CFAP44: variants seen among roughly 807,000 people sequenced by gnomAD.
CFAP44 encodes the protein cilia and flagella associated protein 44, also known as cilia- and flagella-associated protein 44.
Under a neutral mutation model 216.2 loss-of-function variants are expected in CFAP44, and 134 were observed. The observed-to-expected ratio is 0.62, with a 90% CI of 0.54 to 0.72. CFAP44 has a LOEUF of 0.72. Ranked by LOEUF, CFAP44 falls within the 30% of genes least tolerant of loss-of-function variation. The pLI is 0.00. For missense variants in CFAP44, 2,035 were observed against 2,182.1 expected (o/e 0.93, Z 1.34); for synonymous variants, 700 against 727.6 (o/e 0.96, Z 0.61).
intron 1 of CFAP44, among the ~76,000 whole-genome samples, chr3:113,439,594 T>C (rs116237698): frequency 1.8e-4 from 27 of 152,348 alleles, no homozygotes; most frequent in Admixed American, 4.6e-4. Flanking sequence ...TCCATTGCAA[T>C]GCCTTACTCC....
At chr3:113,304,191 G>A in intron 31 of CFAP44, 74 bp from the exon 32 acceptor site, 4 of 1,444,802 alleles carry the variant, frequency 2.8e-6, no homozygotes, top group Non-Finnish European at 3.7e-6. Flanking sequence ...AGCATAAGAG[G>A]TGCACTTCCT....
intron 30 of CFAP44, among the ~76,000 whole-genome samples, chr3:113,305,789 T>C (rs992696131): frequency 6.6e-5 from 10 of 152,212 alleles, no homozygotes; most frequent in African/African-American, 1.9e-4. Context: ...AAATCATCTA[T>C]TGGGGTATAA....
At chr3:113,380,366 G>C (rs1233734287) in intron 16 of CFAP44, among the ~76,000 whole-genome samples, 1 of 151,962 alleles carries the variant, frequency 6.6e-6, no homozygotes, top group East Asian at 1.9e-4. Flanking sequence ...TCACAACTCT[G>C]CATTCTCTTG....
At chr3:113,297,667 C>T (rs1005259065) in intron 32 of CFAP44, among the ~76,000 whole-genome samples, 1 of 152,068 alleles carries the variant, frequency 6.6e-6, no homozygotes, top group Non-Finnish European at 1.5e-5. Flanking sequence ...TTCTTAGCAA[C>T]TAACTAACAT....
rs866348279 is a variant in CFAP44, at chr3:113,344,715, G to A, written c.3066-3C>T. The A allele has an allele frequency of 6.7e-7, 1 of 1,487,312 alleles. No homozygotes were observed. 92.1% of individuals were successfully genotyped at this position (1,487,312 alleles called of 1,614,324 possible). A position where few individuals can be genotyped will look rare whatever the true frequency, so the allele number is the denominator to read the frequency against. On this transcript the variant is annotated splice_region_variant and splice_polypyrimidine_tract_variant and intron_variant, in intron 22 of 34. Coordinates refer to ENST00000393845, the MANE Select transcript of CFAP44 (RefSeq NM_001164496.2). ...CACTTTCCAGTGGATCTCGAAATCT[G>A]AAAAAATAAAACAAGTATTTGCAGT...
At chr3:113,435,564 TA>T (rs1194110734) in intron 1 of CFAP44, among the ~76,000 whole-genome samples, 3 of 150,676 alleles carry the variant, frequency 2.0e-5, no homozygotes, top group South Asian at 2.1e-4. Flanking sequence ...AAACTGTCTC[TA>T]AAAAAAAATT....
intron 6 of CFAP44, among the ~76,000 whole-genome samples, chr3:113,415,457 G>A (rs1333744217): frequency 6.6e-6 from 1 of 151,928 alleles, no homozygotes; most frequent in African/African-American, 2.4e-5. Context: ...GTGATGTTAG[G>A]GTGTCAATCT....
intron 13 of CFAP44, among the ~76,000 whole-genome samples, chr3:113,398,106 C>T (rs1038455700): frequency 1.3e-5 from 2 of 152,090 alleles, no homozygotes; most frequent in African/African-American, 4.8e-5. Flanking sequence ...TGTTGTTTAT[C>T]CAATAAAAAT....
rs898357906 is a variant in CFAP44 at position 113,326,468 on chromosome 3, T to C, written c.4493A>G (p.Lys1498Arg). ...VLKKKIKRVK[K>R]KEVEGDADED... ...ACCAGCATCTCCTTCAACTTCTTTTTTCTTTACCCGTTTAATCTTCTTCTT... is the reference window on the plus strand; with the variant it reads ...ACCAGCATCTCCTTCAACTTCTTTTCTCTTTACCCGTTTAATCTTCTTCTT... The change falls in exon 28 of 35, where the codon AAA (lysine) becomes AGA (arginine). Residue 1498 changes from lysine (K) to arginine (R), a missense_variant. Coordinates refer to ENST00000393845, the MANE Select transcript of CFAP44 (RefSeq NM_001164496.2). The C allele has an allele frequency of 2.7e-6, 4 of 1,505,798 alleles. No individual in the cohort carries two copies. The African/African-American group carries it at 5.6e-5, about 21-fold the overall frequency. 93.3% of individuals were successfully genotyped at this position (1,505,798 alleles called of 1,614,324 possible). A position where few individuals can be genotyped will look rare whatever the true frequency, so the allele number is the denominator to read the frequency against.
chr3:113,432,608 A>G (rs530338899), intron 2 of CFAP44, among the ~76,000 whole-genome samples: 43 of 152,314 alleles, frequency 2.8e-4, no homozygotes, highest in African/African-American at 1.0e-3. Flanking sequence ...GGGAAGATGA[A>G]GAATGTTAAA....
Position 113,426,235 on chromosome 3 carries a change from T to C in CFAP44, c.296A>G (p.Glu99Gly). Reference protein sequence around the residue: ...TPAPAVEEAEEEVKKKISESF... With the variant: ...TPAPAVEEAEGEVKKKISESF... ...CTCTGATATTTTCTTCTTAACTTCCTCCTCTGCTTCTTCCACAGCTGGAGC... is the reference window on the plus strand; with the variant it reads ...CTCTGATATTTTCTTCTTAACTTCCCCCTCTGCTTCTTCCACAGCTGGAGC... The change falls in exon 4 of 35, where the codon GAG becomes GGG. Residue 99 changes from glutamate to glycine, a missense_variant. By Grantham distance (98) the Glu-to-Gly change is moderately conservative. Transcript: ENST00000393845. The C allele has an allele frequency of 6.2e-7, 1 of 1,614,122 alleles. No individual in the cohort carries two copies. Among genetic ancestry groups the C allele is most frequent in the East Asian group, 2.2e-5 (1 of 44,882 alleles).
rs551989874 is a variant in CFAP44, at chr3:113,313,988, A to G, written c.4517-5720T>C. Among the ~76,000 whole-genome samples, 5 of 152,352 alleles carry G rather than the reference A, an allele frequency of 3.3e-5. No individual in the cohort carries two copies. The East Asian group carries it at 9.6e-4, about 29-fold the overall frequency. On this transcript the variant is annotated intron_variant, in intron 28 of 34. Coordinates refer to ENST00000393845, the MANE Select transcript of CFAP44 (RefSeq NM_001164496.2). ...GAATCAATAAATGTAAAGACTGAACAATAGACATCATCCAATTTGAAAAAC... is the reference window on the plus strand; with the variant it reads ...GAATCAATAAATGTAAAGACTGAACGATAGACATCATCCAATTTGAAAAAC...
intron 28 of CFAP44, among the ~76,000 whole-genome samples, chr3:113,309,840 A>G (rs1301289541): frequency 1.3e-5 from 2 of 152,212 alleles, no homozygotes; most frequent in Admixed American, 1.3e-4. Flanking sequence ...TTGGAGAAGA[A>G]TAAGTTGGCA....
chr3:113,415,667 G>A (rs1481467749), intron 6 of CFAP44, among the ~76,000 whole-genome samples: 1 of 152,148 alleles, frequency 6.6e-6, no homozygotes, highest in African/African-American at 2.4e-5. Context: ...ATGAAGTTGT[G>A]TGGTTTTTAG....
At position 113,330,442 on chromosome 3, in the gene CFAP44, T is replaced by A; in HGVS notation, c.3842A>T (p.Gln1281Leu). ...TTCATCTTTACTTTTCATTTGCTGTTGCTTAAAATTTAGGAGAGTTTCTTC... is the reference window on the plus strand; with the variant it reads ...TTCATCTTTACTTTTCATTTGCTGTAGCTTAAAATTTAGGAGAGTTTCTTC... ...YDEETLLNFK[Q>L]QQMKSKDEKS... Residue 1281 changes from glutamine to leucine, a missense_variant, in exon 26 of 35, where the codon CAA (glutamine) becomes CTA (leucine). By Grantham distance (113) the Gln-to-Leu change is moderately radical. Transcript: ENST00000393845. 6.5e-7 allele frequency: 1 copy of A among 1,537,304 alleles called. No individual in the cohort carries two copies. Among genetic ancestry groups the A allele is most frequent in the Non-Finnish European group, 8.7e-7 (1 of 1,146,902 alleles).
chr3:113,403,835 G>C lies in CFAP44; in HGVS notation c.1170+17C>G, dbSNP rs1486812700. ...CTTAAACGTGGGTGCTACCATCCAA[G>C]TATCGAGAAAACTTACCCTAACATA... On this transcript the variant is annotated intron_variant, in intron 9 of 34. Transcript: ENST00000393845. The C allele has an allele frequency of 6.2e-7, 1 of 1,608,526 alleles. No homozygotes were observed. The highest frequency in any genetic ancestry group is 2.2e-5 in the East Asian group (1 of 44,696).
At chr3:113,433,013 C>G (rs1002583409) in intron 2 of CFAP44, among the ~76,000 whole-genome samples, 1 of 152,132 alleles carries the variant, frequency 6.6e-6, no homozygotes, top group Non-Finnish European at 1.5e-5. Flanking sequence ...CTAGGCATTA[C>G]CTTTACCTTA....
intron 22 of CFAP44, among the ~76,000 whole-genome samples, chr3:113,353,922 C>G (rs1456323536): frequency 6.6e-6 from 1 of 152,138 alleles, no homozygotes; most frequent in Non-Finnish European, 1.5e-5. Flanking sequence ...GAATAATCCA[C>G]AGATCTCACA....
chr3:113,310,442 T>G (rs1156788535), intron 28 of CFAP44, among the ~76,000 whole-genome samples: 2 of 152,234 alleles, frequency 1.3e-5, no homozygotes, highest in Non-Finnish European at 2.9e-5. Context: ...ATGGGGAATA[T>G]AGACTTCTAC....
Sources: gnomAD v4.1 joint callset for allele counts (sites outside exome capture counted in the v4.1 genomes callset) on GRCh38, gnomAD v4.1.1 for gene constraint, MANE v1.5 for transcripts, NCBI Gene and HGNC (gene_info 2026-07-23, HGNC 2026-07-21) for gene names.